The following TRDN variants were observed in gnomAD, a reference collection of about 807,000 sequenced individuals.
The protein encoded by TRDN is triadin, also known as triadin in skeletal muscle.
A neutral mutation model predicts 149.7 loss-of-function variants in TRDN; 161 were observed. The ratio of observed to expected loss-of-function variants is 1.08; its 90% CI spans 0.95 to 1.23. TRDN has a LOEUF of 1.23. Ranked by LOEUF, TRDN falls within the 50% of genes most tolerant of loss-of-function variation. The probability of loss-of-function intolerance (pLI) is 0.00; values close to 1 mark genes in which losing one functional copy is unlikely to be tolerated. For missense variants in TRDN, 896 were observed against 823.5 expected, an observed-to-expected ratio of 1.09 and a Z score of -1.08; for synonymous variants, 294 against 250.5, an observed-to-expected ratio of 1.17 and a Z score of -1.64.
At chr6:123,367,738 G>A (rs1009852495) in intron 19 of TRDN, among the ~76,000 whole-genome samples, 1 of 152,196 alleles carries the variant, frequency 6.6e-6, no homozygotes, top group African/African-American at 2.4e-5. Flanking sequence ...GATTCAGTAT[G>A]TCGGAGGCAT....
intron 1 of TRDN, among the ~76,000 whole-genome samples, chr6:123,635,964 T>C (rs895677151): frequency 7.9e-5 from 12 of 151,914 alleles, no homozygotes; most frequent in Non-Finnish European, 1.6e-4. Flanking sequence ...ATAGAAGATA[T>C]GTATTATAGT....
At chr6:123,284,417 A>G (rs555666061) in intron 24 of TRDN, among the ~76,000 whole-genome samples, 1 of 151,976 alleles carries the variant, frequency 6.6e-6, no homozygotes, top group East Asian at 1.9e-4. Flanking sequence ...CAAAAATCAC[A>G]TGATCATCTG....
intron 35 of TRDN, among the ~76,000 whole-genome samples, chr6:123,256,144 G>A (rs527325536): frequency 6.6e-6 from 1 of 152,132 alleles, no homozygotes; most frequent in South Asian, 2.1e-4. Context: ...CTGTGCCCAT[G>A]TGTTCTCATT....
chr6:123,603,769 T>C (rs1354932667), intron 1 of TRDN, among the ~76,000 whole-genome samples: 1 of 152,148 alleles, frequency 6.6e-6, no homozygotes, highest in Non-Finnish European at 1.5e-5. Context: ...CTTGGATATC[T>C]ACTTTGCAAT....
chr6:123,431,052 T>A (rs1774319488), intron 12 of TRDN, among the ~76,000 whole-genome samples: 1 of 152,242 alleles, frequency 6.6e-6, no homozygotes, highest in African/African-American at 2.4e-5. Flanking sequence ...ACAACTATTG[T>A]CTTACCTAAG....
intron 1 of TRDN, among the ~76,000 whole-genome samples, chr6:123,613,386 A>G (rs1784909304): frequency 6.6e-6 from 1 of 152,240 alleles, no homozygotes; most frequent in Non-Finnish European, 1.5e-5. Context: ...AATTATTACA[A>G]GGAATTAAAA....
chr6:123,224,006 A>C, intron 39 of TRDN, 87 bp downstream of exon 39: 1 of 1,247,308 alleles, frequency 8.0e-7, no homozygotes, highest in Non-Finnish European at 1.1e-6. Flanking sequence ...TAGATCAAGA[A>C]TAGCTAGGAA....
chr6:123,347,989 C>T (rs1310157796), intron 21 of TRDN, among the ~76,000 whole-genome samples: 10 of 152,006 alleles, frequency 6.6e-5, no homozygotes. Context: ...AGCGCTAACT[C>T]CAAGTTAAGA....
chr6:123,553,702 A>C (rs1781510267), intron 2 of TRDN, among the ~76,000 whole-genome samples: 1 of 152,196 alleles, frequency 6.6e-6, no homozygotes, highest in Admixed American at 6.5e-5. Context: ...GGTGGCCAGC[A>C]AAAGAAAATG....
intron 14 of TRDN, among the ~76,000 whole-genome samples, chr6:123,385,998 T>C (rs1444404737): frequency 6.6e-6 from 1 of 152,184 alleles, no homozygotes; most frequent in Non-Finnish European, 1.5e-5. Context: ...TTCATATTTC[T>C]TCTGGGTATT....
intron 35 of TRDN, among the ~76,000 whole-genome samples, chr6:123,256,769 G>T (rs1469742607): frequency 1.3e-5 from 2 of 151,572 alleles, no homozygotes; most frequent in Admixed American, 1.3e-4. Flanking sequence ...TCTGTAGGTT[G>T]CCTGTTCACT....
chr6:123,243,557 C>T (rs985329672), intron 38 of TRDN, among the ~76,000 whole-genome samples: 4 of 151,642 alleles, frequency 2.6e-5, no homozygotes, highest in African/African-American at 9.7e-5. Context: ...GGATATGAAT[C>T]GGAAATTTAA....
chr6:123,477,466 T>C (rs1401998176), intron 9 of TRDN, among the ~76,000 whole-genome samples: 1 of 149,152 alleles, frequency 6.7e-6, no homozygotes. Context: ...TTGGTGGGAC[T>C]GTAAACTAGT....
At chr6:123,287,042 A>G (rs1017505888) in intron 24 of TRDN, among the ~76,000 whole-genome samples, 2 of 152,178 alleles carry the variant, frequency 1.3e-5, no homozygotes, top group Non-Finnish European at 2.9e-5. Context: ...TATAGTGCAT[A>G]AAAGGATAAT....
At chr6:123,446,930 A>C (rs905641807) in intron 10 of TRDN, among the ~76,000 whole-genome samples, 1 of 151,902 alleles carries the variant, frequency 6.6e-6, no homozygotes, top group African/African-American at 2.4e-5. Flanking sequence ...TTTTCCAAAA[A>C]TTTCCTCGGA....
At chr6:123,396,356 C>G (rs1772733702) in intron 12 of TRDN, among the ~76,000 whole-genome samples, 1 of 152,176 alleles carries the variant, frequency 6.6e-6, no homozygotes, top group Non-Finnish European at 1.5e-5. Context: ...ACTGCCTCCA[C>G]TACACATATT....
intron 2 of TRDN, among the ~76,000 whole-genome samples, chr6:123,560,979 ATCAAGC>A (rs1166882448): frequency 6.6e-6 from 1 of 152,072 alleles, no homozygotes; most frequent in Non-Finnish European, 1.5e-5. Context: ...TTTCCTACAC[ATCAAGC>A]TCAGGGATTT....
chr6:123,356,542 T>TAA, intron 20 of TRDN, among the ~76,000 whole-genome samples: 1 of 123,942 alleles, frequency 8.1e-6, no homozygotes, highest in South Asian at 2.4e-4. Context: ...TATATATATA[T>TAA]ATATATAGTT....
intron 1 of TRDN, among the ~76,000 whole-genome samples, chr6:123,608,873 GA>G (rs555766848): frequency 0.071 from 10,588 of 149,430 alleles, 454 homozygotes; most frequent in Non-Finnish European, 0.1. Context: ...TTATACTCAT[GA>G]AAAAAAAATG....
Sources: allele counts gnomAD v4.1 joint callset (sites outside exome capture counted in the v4.1 genomes callset), GRCh38; gene constraint gnomAD v4.1.1; transcripts MANE v1.5; gene names NCBI Gene and HGNC (gene_info 2026-07-23, HGNC 2026-07-21).